The following JPH2 variants were observed in gnomAD, a reference collection of about 807,000 sequenced individuals.
JPH2 encodes junctophilin-2.
Under a neutral mutation model 55.9 loss-of-function variants are expected in JPH2, and 38 were observed. The ratio of observed to expected loss-of-function variants is 0.68; its 90% confidence interval spans 0.52 to 0.89. The LOEUF (loss-of-function observed/expected upper bound fraction) is 0.89, where lower values mean the gene tolerates loss of function less well. Among genes scored for constraint, JPH2 ranks in the 40% least tolerant of loss-of-function variants. The probability of loss-of-function intolerance (pLI) is 0.00; values close to 1 mark genes in which losing one functional copy is unlikely to be tolerated. For missense variants in JPH2, 964 were observed against 1,037.6 expected, an observed-to-expected ratio of 0.93 and a Z score of 0.97; for synonymous variants, 480 against 472.4, an observed-to-expected ratio of 1.02 and a Z score of -0.21.
Position 44,139,113 on chromosome 20 carries a change from A to G in JPH2, c.1170-20490T>C, listed in dbSNP as rs184968967. On this transcript the variant is annotated intron_variant, in intron 2 of 5. Transcript: ENST00000372980. ...GCTGCCCATGACTGGGACGTGGGAAAGGCCAAGCAAGGAAGTGAATCTGGG... is the reference window on the plus strand; with the variant it reads ...GCTGCCCATGACTGGGACGTGGGAAGGGCCAAGCAAGGAAGTGAATCTGGG... Among the ~76,000 whole-genome samples the G allele has an allele frequency of 3.7e-4, 57 of 152,332 alleles. No individual in the cohort carries two copies. The East Asian group carries it at 0.01, about 27-fold the overall frequency.
Position 44,160,080 on chromosome 20 carries a change from C to T in JPH2, c.707G>A (p.Arg236His). 2 of 1,533,306 alleles carry T rather than the reference C, an allele frequency of 1.3e-6. No homozygotes were observed. The highest frequency in any genetic ancestry group is 8.7e-7 in the Non-Finnish European group (1 of 1,145,154). The allele number at this position is 1,533,306 out of a possible 1,614,324, so 95.0% of individuals were successfully genotyped here. ...GCTGCGCTGGCTACCCACGGACGTG[C>T]GCGACTCTGCGCGCCGCAGCTTGCC... Reference protein sequence around the residue: ...LLGKLRRAESRTSVGSQRSRV... With the variant: ...LLGKLRRAESHTSVGSQRSRV... Residue 236 changes from arginine (R) to histidine (H), a missense_variant, in exon 2 of 6, where the codon CGC becomes CAC. Transcript: ENST00000372980. This position sits in a 1 kb window ranked among gnomAD's most constrained non-coding sequence, Gnocchi z 4.9.
rs59206814 is a variant in JPH2 at position 44,169,173 on chromosome 20, A to AT, written c.380-8767dup. 2.1e-3 allele frequency among the ~76,000 whole-genome samples: 282 copies of AT among 136,936 alleles called. 2 individuals are homozygous for AT. The highest frequency in any genetic ancestry group is 0.015 in the East Asian group (69 of 4,700). 89.8% of individuals were successfully genotyped at this position (136,936 alleles called of 152,430 possible). On this transcript the variant is annotated intron_variant, in intron 1 of 5. Transcript: ENST00000372980. ...CTTTGTAAATTACCTGGCCTTGGGTATTTTTTTTTTTTTTTTTTTTTGAGA... is the reference window on the plus strand; with the variant it reads ...CTTTGTAAATTACCTGGCCTTGGGTATTTTTTTTTTTTTTTTTTTTTTGAGA...
chr20:44,175,223 C>G (rs1255093289), intron 1 of JPH2, among the ~76,000 whole-genome samples: 1 of 152,234 alleles, frequency 6.6e-6, no homozygotes, highest in African/African-American at 2.4e-5. Flanking sequence ...CTGACCCCAT[C>G]TCTGAGAACA....
rs971140696 is a variant in JPH2, at chr20:44,159,473, C to T, written c.1169+145G>A. 3.6e-6 allele frequency: 3 copies of T among 822,126 alleles called. No individual in the cohort carries two copies. The highest frequency in any genetic ancestry group is 1.7e-5 in the African/African-American group (1 of 58,676). 50.9% of individuals were successfully genotyped at this position (822,126 alleles called of 1,614,324 possible). A position where few individuals can be genotyped will look rare whatever the true frequency, so the allele number is the denominator to read the frequency against. ...TGAGTGAACAGGAGCCACCAGCTCCCGAAGAGCCTCCAATTAACCCCTGAA... is the reference window on the plus strand; with the variant it reads ...TGAGTGAACAGGAGCCACCAGCTCCTGAAGAGCCTCCAATTAACCCCTGAA... On this transcript the variant is annotated intron_variant, in intron 2 of 5. Transcript: ENST00000372980. The surrounding 1 kb of genome is among the most constrained non-coding windows in gnomAD (Gnocchi z 5.7).
chr20:44,159,950 G>A lies in JPH2; in HGVS notation c.837C>T (p.Phe279=), dbSNP rs773521151. 8 of 1,606,170 alleles carry A rather than the reference G, an allele frequency of 5.0e-6. No homozygotes were observed. The highest frequency in any genetic ancestry group is 2.2e-5 in the East Asian group (1 of 44,708). Residue 279 remains phenylalanine (F), a synonymous_variant, in exon 2 of 6, where the codon TTC becomes TTT. Transcript: ENST00000372980. The surrounding 1 kb of genome is among the most constrained non-coding windows in gnomAD (Gnocchi z 5.7). ...TGGTGGTGGCGTCGATATCGGCCTC[G>A]AAGGGTGCGGCCTCGTCGGCGCCCT... ...AAEGADEAAP[F]EADIDATTTE...
chr20:44,177,610 C>G, intron 1 of JPH2: 1 of 1,175,176 alleles, frequency 8.5e-7, no homozygotes, highest in Non-Finnish European at 1.1e-6. Flanking sequence ...TGATGCCTGG[C>G]TGTGAACTGG....
chr20:44,160,807 G>C lies in JPH2; in HGVS notation c.380-400C>G, dbSNP rs2072605080. ...TTGACTATATGAGATCATGAGGTGG[G>C]GGCAGGTGGCTCACGCCTGTAATCC... On this transcript the variant is annotated intron_variant, in intron 1 of 5. Coordinates refer to ENST00000372980, the MANE Select transcript of JPH2 (RefSeq NM_020433.5). This position sits in a 1 kb window ranked among gnomAD's most constrained non-coding sequence, Gnocchi z 4.9. Among the ~76,000 whole-genome samples, 1 of 152,302 alleles carries C rather than the reference G, an allele frequency of 6.6e-6. No individual in the cohort carries two copies. Among genetic ancestry groups the C allele is most frequent in the Middle Eastern group, 3.4e-3 (1 of 294 alleles).
At chr20:44,137,387 C>T (rs1048834593) in intron 2 of JPH2, among the ~76,000 whole-genome samples, 5 of 152,132 alleles carry the variant, frequency 3.3e-5, no homozygotes, top group East Asian at 1.9e-4. Context: ...CCTCCCAGCC[C>T]AGCGGCCTCC....
rs1032529792 is a variant in JPH2, at chr20:44,116,059, G to A, written c.1616C>T (p.Ala539Val). Residue 539 changes from alanine (A) to valine (V), a missense_variant, in exon 4 of 6, where the codon GCC becomes GTC. Transcript: ENST00000372980. The part of the protein sequence containing the change: ...GAGRRSPARP[A>V]TERMAIEALQ... ...AGCCTCGATGGCCATGCGCTCGGTG[G>A]CTGGACGCGCGGGGCTGCGGCGGCC... 1 of 1,556,980 alleles carries A rather than the reference G, an allele frequency of 6.4e-7. No individual in the cohort carries two copies. Among genetic ancestry groups the A allele is most frequent in the Non-Finnish European group, 8.6e-7 (1 of 1,161,020 alleles).
chr20:44,149,028 C>G (rs946516303), intron 2 of JPH2, among the ~76,000 whole-genome samples: 1 of 150,782 alleles, frequency 6.6e-6, no homozygotes, highest in Non-Finnish European at 1.5e-5. Flanking sequence ...GATGGCGCCA[C>G]TGCACTCCAG....
rs577481398 is a variant in JPH2 at position 44,117,460 on chromosome 20, G to A, written c.1288+1045C>T. 2.0e-5 allele frequency among the ~76,000 whole-genome samples: 3 copies of A among 152,284 alleles called. No homozygotes were observed. In the South Asian group the frequency reaches 6.2e-4, roughly 32 times the overall value. Reference sequence around the variant, plus strand: ...ATGTGGCTTCCTGGCATGCTGCTCTGTCCGAGTTTCTGTGCCTTTGCACCT... The same window carrying A: ...ATGTGGCTTCCTGGCATGCTGCTCTATCCGAGTTTCTGTGCCTTTGCACCT... On this transcript the variant is annotated intron_variant, in intron 3 of 5. Coordinates refer to ENST00000372980, the MANE Select transcript of JPH2 (RefSeq NM_020433.5).
At position 44,159,729 on chromosome 20, in the gene JPH2, C is replaced by T. The variant is rs200674068; in HGVS notation, c.1058G>A (p.Arg353His). 4 of 1,613,604 alleles carry T rather than the reference C, an allele frequency of 2.5e-6. No individual in the cohort carries two copies. Among genetic ancestry groups the T allele is most frequent in the East Asian group, 2.2e-5 (1 of 44,874 alleles). ...HNVLVKDTKR[R>H]MLQLKSNKVR... ...CTTGTTGCTCTTGAGCTGCAGCATGCGGCGCTTGGTGTCCTTGACCAGCAC... is the reference window on the plus strand; with the variant it reads ...CTTGTTGCTCTTGAGCTGCAGCATGTGGCGCTTGGTGTCCTTGACCAGCAC... The change falls in exon 2 of 6, where the codon CGC (arginine) becomes CAC (histidine). Residue 353 changes from arginine to histidine, a missense_variant. Physicochemically the swap from Arg to His is conservative, Grantham distance 29. Transcript: ENST00000372980. The surrounding 1 kb of genome is among the most constrained non-coding windows in gnomAD (Gnocchi z 5.7).
rs773306912 is a variant in JPH2, at chr20:44,115,955, T to C, written c.1720A>G (p.Thr574Ala). ...QGYHSYAVRT[T>A]PPEPPPFEDQ... is the part of the protein sequence containing the mutation. ...TCAAAGGGTGGGGGCTCGGGCGGCG[T>C]GGTGCGCACAGCATAGCTGTGGTAG... The change falls in exon 4 of 6, where the codon ACG becomes GCG. Residue 574 changes from threonine (T) to alanine (A), a missense_variant. By Grantham distance (58) the Thr-to-Ala change is moderately conservative. Transcript: ENST00000372980. The C allele has an allele frequency of 1.7e-5, 26 of 1,570,958 alleles. No individual in the cohort carries two copies. Among genetic ancestry groups the C allele is most frequent in the Non-Finnish European group, 2.0e-5 (23 of 1,165,802 alleles).
At chr20:44,156,509 T>C (rs1040433904) in intron 2 of JPH2, among the ~76,000 whole-genome samples, 1 of 152,132 alleles carries the variant, frequency 6.6e-6, no homozygotes, top group African/African-American at 2.4e-5. Flanking sequence ...GACCGGGTCA[T>C]TTGTAGGGGA....
rs138957084 is a variant in JPH2 at position 44,156,664 on chromosome 20, A to AG, written c.1169+2953dup. Among the ~76,000 whole-genome samples the AG allele has an allele frequency of 3.1e-3, 478 of 152,298 alleles. 6 individuals carry two copies. Among genetic ancestry groups the AG allele is most frequent in the East Asian group, 0.027 (140 of 5,190 alleles). On this transcript the variant is annotated intron_variant, in intron 2 of 5. Coordinates refer to ENST00000372980, the MANE Select transcript of JPH2 (RefSeq NM_020433.5). ...AAGGCGGGAGTGCCAAGAGACAAAAAGGGGTCAAACTCACCATTTTATAAG... is the reference window on the plus strand; with the variant it reads ...AAGGCGGGAGTGCCAAGAGACAAAAAGGGGGTCAAACTCACCATTTTATAAG...
rs1280290005 is a variant in JPH2 at position 44,186,891 on chromosome 20, G to A, written c.-186C>T. On this transcript the variant is annotated 5_prime_UTR_variant, in exon 1 of 6. It introduces an in-frame stop codon into an upstream open reading frame of the 5' UTR. Coordinates refer to ENST00000372980, the MANE Select transcript of JPH2 (RefSeq NM_020433.5). ...CCCGGCGCCAAGTCAGCACCGGGTC[G>A]GCTAGTCAGTGCCATGCCCGGGAGC... The A allele has an allele frequency of 4.7e-6, 3 of 632,754 alleles. No individual in the cohort carries two copies. The highest frequency in any genetic ancestry group is 3.7e-5 in the African/African-American group (2 of 54,480). The allele number at this position is 632,754 out of a possible 1,614,324, so 39.2% of individuals were successfully genotyped here. A position where few individuals can be genotyped will look rare whatever the true frequency, so the allele number is the denominator to read the frequency against.
intron 2 of JPH2, among the ~76,000 whole-genome samples, chr20:44,124,360 G>A (rs2072261304): frequency 6.6e-6 from 1 of 152,232 alleles, no homozygotes; most frequent in Non-Finnish European, 1.5e-5. Context: ...CGACCTGGAA[G>A]GCTCTCTCCC....
At chr20:44,186,002 A>G (rs545184561) in intron 1 of JPH2, among the ~76,000 whole-genome samples, 2 of 152,300 alleles carry the variant, frequency 1.3e-5, no homozygotes, top group South Asian at 4.1e-4. Flanking sequence ...GCTAGAGTAT[A>G]TTCCATGGCT....
chr20:44,135,447 C>A (rs2072403945), intron 2 of JPH2, among the ~76,000 whole-genome samples: 1 of 152,136 alleles, frequency 6.6e-6, no homozygotes, highest in Admixed American at 6.5e-5. Flanking sequence ...TCTCCATCCC[C>A]ATCTTTCGGT....
Sources: allele counts gnomAD v4.1 joint callset (sites outside exome capture counted in the v4.1 genomes callset), GRCh38; gene constraint gnomAD v4.1.1; non-coding constraint Gnocchi (gnomAD v3.1); transcripts MANE v1.5; gene names NCBI Gene and HGNC (gene_info 2026-07-23, HGNC 2026-07-21).